The following SOX5 variants were observed in gnomAD, a reference collection of about 807,000 sequenced individuals.
SOX5 encodes the protein SRY-box transcription factor 5.
Under a neutral mutation model 92.0 loss-of-function variants are expected in SOX5, and 9 were observed. That is an observed-to-expected ratio of 0.10 (90% CI 0.06 to 0.17). SOX5 has a LOEUF of 0.17. Among genes scored for constraint, SOX5 ranks in the 10% least tolerant of loss-of-function variants. The pLI, the probability that SOX5 is intolerant of heterozygous loss-of-function variation, is 1.00. For synonymous variants in SOX5, 344 were observed against 336.3 expected, an observed-to-expected ratio of 1.02 and a Z score of -0.25; for missense variants, 642 against 944.5, an observed-to-expected ratio of 0.68 and a Z score of 4.20.
At chr12:23,994,937 C>A (rs953710879) in intron 4 of SOX5, among the ~76,000 whole-genome samples, 2 of 152,106 alleles carry the variant, frequency 1.3e-5, no homozygotes, top group African/African-American at 4.8e-5. Context: ...GATCACAAAG[C>A]GACATAAATT....
At chr12:23,913,988 T>C (rs2097382951) in intron 1 of SOX5, among the ~76,000 whole-genome samples, 1 of 152,182 alleles carries the variant, frequency 6.6e-6, no homozygotes, top group South Asian at 2.1e-4. Context: ...AGGTAAAGCT[T>C]TGGAAAGGTA....
intron 8 of SOX5, chr12:23,632,213 A>G (rs2078631698): frequency 6.6e-6 from 1 of 152,110 alleles, no homozygotes; most frequent in Non-Finnish European, 1.5e-5. Context: ...TCAGGGTCGA[A>G]GGGAGAGGAA....
chr12:24,463,636 G>A (rs775705845), intron 1 of SOX5, among the ~76,000 whole-genome samples: 2 of 152,168 alleles, frequency 1.3e-5, no homozygotes, highest in East Asian at 1.9e-4. Context: ...AAGCAGATGC[G>A]ATCTACGGAT....
intron 11 of SOX5, among the ~76,000 whole-genome samples, chr12:23,551,208 C>T (rs1256531769): frequency 5.9e-5 from 9 of 151,834 alleles, no homozygotes; most frequent in African/African-American, 1.4e-4. Flanking sequence ...ATATTAACGA[C>T]ACGGGAAGAA....
chr12:23,788,690 C>A (rs142500565), intron 3 of SOX5, among the ~76,000 whole-genome samples: 1 of 151,738 alleles, frequency 6.6e-6, no homozygotes, highest in Non-Finnish European at 1.5e-5. Context: ...AAGAATTTAA[C>A]GGCAGAGAGT....
At chr12:23,779,842 T>C (rs1393756748) in intron 3 of SOX5, among the ~76,000 whole-genome samples, 3 of 114,638 alleles carry the variant, frequency 2.6e-5, no homozygotes, top group Non-Finnish European at 5.5e-5. Context: ...CACACACATA[T>C]GCATACATAC....
rs560643343 is a variant in SOX5 at position 24,163,982 on chromosome 12, T to C, written c.-2+49361A>G. On this transcript the variant is annotated intron_variant, in intron 4 of 4. Transcript: ENST00000446891. ...TTTCAATAGAAGAGAAATTATACGG[T>C]ATAAATTAAATAGTATAGTATATGA... Among the ~76,000 whole-genome samples, 5 of 152,222 alleles carry C rather than the reference T, an allele frequency of 3.3e-5. No homozygotes were observed. In the South Asian group the frequency reaches 8.3e-4, roughly 25 times the overall value.
intron 8 of SOX5, among the ~76,000 whole-genome samples, chr12:23,610,749 AATCTT>A (rs1220315073): frequency 6.6e-6 from 1 of 152,182 alleles, no homozygotes. Context: ...TATGAATTTA[AATCTT>A]ATCAGCATAA....
At position 23,530,988 on chromosome 12, in the gene SOX5, G is replaced by T. The variant is rs1938963437; in HGVS notation, c.*3231C>A. On this transcript the variant is annotated 3_prime_UTR_variant, in exon 15 of 15. Coordinates refer to ENST00000451604, the MANE Select transcript of SOX5 (RefSeq NM_006940.6). ...TTGGTCATTATGGGGCACAGAAAAA[G>T]AATACAGGGTTTTAGGATCCTTTAC... is the stretch of plus-strand genomic sequence containing the variant. 1 of 152,068 alleles carries T rather than the reference G, an allele frequency of 6.6e-6. No individual in the cohort carries two copies. The highest frequency in any genetic ancestry group is 2.4e-5 in the African/African-American group (1 of 41,414). The allele number at this position is 152,068 out of a possible 1,614,324, so 9.4% of individuals were successfully genotyped here.
Position 24,386,773 on chromosome 12 carries a change from T to C in SOX5, c.-250-18134A>G, listed in dbSNP as rs565211290. Among the ~76,000 whole-genome samples the C allele has an allele frequency of 3.3e-5, 5 of 152,356 alleles. No homozygotes were observed. In the South Asian group the frequency reaches 1.0e-3, roughly 32 times the overall value. On this transcript the variant is annotated intron_variant, in intron 1 of 4. Transcript: ENST00000446891. The stretch of plus-strand genomic sequence containing the variant: ...TAAAGAACAAGGAATCTAAAACTAT[T>C]GGTCTTTAGTAAATAATGAAACAAT...
intron 4 of SOX5, among the ~76,000 whole-genome samples, chr12:24,149,716 A>T (rs560743435): frequency 5.0e-4 from 76 of 152,326 alleles, no homozygotes; most frequent in Admixed American, 1.4e-3. Context: ...TTTGCATACA[A>T]ATGTTCATTA....
rs185110982 is a variant in SOX5, at chr12:24,009,877, G to T, written c.-1-113853C>A. On this transcript the variant is annotated intron_variant, in intron 4 of 4. Coordinates refer to the SOX5 transcript ENST00000446891. ...AATTGAAACTATAAAAACCTACTAAGATACAAATTTTGAAAAATTTAAGGA... is the reference window on the plus strand; with the variant it reads ...AATTGAAACTATAAAAACCTACTAATATACAAATTTTGAAAAATTTAAGGA... Among the ~76,000 whole-genome samples, 5 of 152,160 alleles carry T rather than the reference G, an allele frequency of 3.3e-5. No individual in the cohort carries two copies. The East Asian group carries it at 7.7e-4, about 24-fold the overall frequency.
chr12:24,279,270 T>A (rs1362996521), intron 2 of SOX5, among the ~76,000 whole-genome samples: 4 of 152,272 alleles, frequency 2.6e-5, no homozygotes, highest in African/African-American at 9.6e-5. Context: ...TAGGTTTTTT[T>A]AGATACAAGA....
chr12:23,628,928 C>T (rs780391022), intron 8 of SOX5, among the ~76,000 whole-genome samples: 5 of 151,990 alleles, frequency 3.3e-5, no homozygotes, highest in Non-Finnish European at 5.9e-5. Context: ...GTCCTTCTCT[C>T]AGAACAGTTC....
At chr12:24,423,156 T>G (rs1221989722) in intron 1 of SOX5, among the ~76,000 whole-genome samples, 1 of 152,222 alleles carries the variant, frequency 6.6e-6, no homozygotes, top group Non-Finnish European at 1.5e-5. Context: ...ACTTCCCTAC[T>G]AAACAGAGAA....
intron 1 of SOX5, among the ~76,000 whole-genome samples, chr12:23,931,462 C>A (rs761455315): frequency 1.3e-5 from 2 of 151,554 alleles, no homozygotes; most frequent in East Asian, 1.9e-4. Context: ...TAAAGAGGGG[C>A]AATTTTCAAA....
chr12:24,189,112 T>C (rs1009248558), intron 4 of SOX5, among the ~76,000 whole-genome samples: 1 of 152,166 alleles, frequency 6.6e-6, no homozygotes, highest in Non-Finnish European at 1.5e-5. Flanking sequence ...CTGTCTGTCA[T>C]TAGCAATTAT....
At chr12:24,281,923 C>A (rs186963128) in intron 2 of SOX5, among the ~76,000 whole-genome samples, 11 of 152,096 alleles carry the variant, frequency 7.2e-5, no homozygotes, top group Non-Finnish European at 1.6e-4. Flanking sequence ...ACACACATCC[C>A]AAAAAAGAGG....
chr12:23,549,910 G>A (rs1358035703), intron 11 of SOX5, among the ~76,000 whole-genome samples: 2 of 151,938 alleles, frequency 1.3e-5, no homozygotes, highest in Non-Finnish European at 2.9e-5. Context: ...GTATCTCATC[G>A]ACAGAAGACA....
Sources: gnomAD v4.1 joint callset for allele counts (sites outside exome capture counted in the v4.1 genomes callset) on GRCh38, gnomAD v4.1.1 for gene constraint, MANE v1.5 for transcripts, NCBI Gene and HGNC (gene_info 2026-07-23, HGNC 2026-07-21) for gene names.